The following TMC5 variants were observed in gnomAD, a reference collection of about 807,000 sequenced individuals.
TMC5 encodes transmembrane channel-like protein 5.
Under a neutral mutation model 110.5 loss-of-function variants are expected in TMC5, and 86 were observed. That is an observed-to-expected ratio of 0.78 (90% CI 0.65 to 0.93). The LOEUF (loss-of-function observed/expected upper bound fraction) is 0.93, where lower values mean the gene tolerates loss of function less well. TMC5 is among the 40% of genes least tolerant of loss of function. The probability of loss-of-function intolerance (pLI) is 0.00; values close to 1 mark genes in which losing one functional copy is unlikely to be tolerated. For missense variants in TMC5, 1,144 were observed against 1,222.8 expected, an observed-to-expected ratio of 0.94 and a Z score of 0.96; for synonymous variants, 455 against 439.5, an observed-to-expected ratio of 1.04 and a Z score of -0.44.
Position 19,423,105 on chromosome 16 carries a change from T to C in TMC5, c.-308+5013T>C, listed in dbSNP as rs114304195. Among the ~76,000 whole-genome samples, 347 of 152,300 alleles carry C rather than the reference T, an allele frequency of 2.3e-3. 1 individual carries two copies. The highest frequency in any genetic ancestry group is 8.1e-3 in the African/African-American group (338 of 41,562). Reference sequence around the variant, plus strand: ...CACCGCTGCACTTACCCCTTCTCCTTTCTCTTCCTTCTCCCATTCTTTTCT... The same window carrying C: ...CACCGCTGCACTTACCCCTTCTCCTCTCTCTTCCTTCTCCCATTCTTTTCT... On this transcript the variant is annotated intron_variant, in intron 1 of 21. Transcript: ENST00000542583.
At chr16:19,491,172 G>A (rs1968896346) in intron 18 of TMC5, among the ~76,000 whole-genome samples, 1 of 152,010 alleles carries the variant, frequency 6.6e-6, no homozygotes, top group Admixed American at 6.6e-5. Context: ...ACTACACTTG[G>A]CTAATTTTTA....
In TMC5 at chr16:19,463,302, A is replaced by G. The variant is rs1287152129; in HGVS notation, c.1171A>G (p.Ser391Gly). 2 of 1,614,066 alleles carry G rather than the reference A, an allele frequency of 1.2e-6. No homozygotes were observed. The highest frequency in any genetic ancestry group is 1.1e-5 in the South Asian group (1 of 91,082). Reference sequence around the variant, plus strand: ...CAGGAAAATAGTTGACAAAGAAAAAAGCAAACAGACCCATCGTATCCTTCA... The same window carrying G: ...CAGGAAAATAGTTGACAAAGAAAAAGGCAAACAGACCCATCGTATCCTTCA... ...NLRKIVDKEK[S>G]KQTHRILQLN... is the part of the protein sequence containing the mutation. Residue 391 changes from serine to glycine, a missense_variant, in exon 7 of 22, where the codon AGC becomes GGC. Transcript: ENST00000542583.
At chr16:19,434,264 TAA>T (rs1366552194) in intron 2 of TMC5, among the ~76,000 whole-genome samples, 1 of 122,612 alleles carries the variant, frequency 8.2e-6, no homozygotes, top group African/African-American at 3.2e-5. Flanking sequence ...TATATATCTA[TAA>T]TATATATAGA....
At position 19,481,752 on chromosome 16, in the gene TMC5, C is replaced by G. The variant is rs561510487; in HGVS notation, c.2363+287C>G. On this transcript the variant is annotated intron_variant, in intron 15 of 21. Coordinates refer to ENST00000542583, the MANE Select transcript of TMC5 (RefSeq NM_001261841.2). ...TTTTGTCCCTAAAAATATGAATTAA[C>G]CACTGCTATGGTCTCAATGTTTGGG... is the stretch of plus-strand genomic sequence containing the variant. 1.1e-4 allele frequency among the ~76,000 whole-genome samples: 16 copies of G among 152,312 alleles called. No homozygotes were observed. The South Asian group carries it at 3.3e-3, about 32-fold the overall frequency.
intron 5 of TMC5, among the ~76,000 whole-genome samples, chr16:19,456,239 A>AATAT (rs200497672): frequency 6.7e-6 from 1 of 149,322 alleles, no homozygotes; most frequent in Non-Finnish European, 1.5e-5. Flanking sequence ...ACACATTTAG[A>AATAT]ATATATATAT....
chr16:19,414,741 G>C (rs192674303), upstream of TMC5, among the ~76,000 whole-genome samples: 3 of 151,132 alleles, frequency 2.0e-5, no homozygotes, highest in African/African-American at 7.3e-5. Flanking sequence ...ACCACCCCCC[G>C]ATCTCGACAA....
intron 17 of TMC5, among the ~76,000 whole-genome samples, chr16:19,489,958 A>AT (rs1203230597): frequency 4.0e-5 from 6 of 150,248 alleles, no homozygotes; most frequent in African/African-American, 1.2e-4. Flanking sequence ...CCAGCTAATT[A>AT]TTTTTTTGTA....
At chr16:19,481,574 T>C in intron 15 of TMC5, 109 bp downstream of exon 15, 1 of 804,280 alleles carries the variant, frequency 1.2e-6, no homozygotes, top group East Asian at 2.5e-5. Flanking sequence ...GCAGGGGTGA[T>C]AACCCATCCA....
At chr16:19,490,809 CTCTT>C (rs1194259720) in intron 18 of TMC5, among the ~76,000 whole-genome samples, 2 of 135,102 alleles carry the variant, frequency 1.5e-5, no homozygotes, top group African/African-American at 5.5e-5. Context: ...CTCCCTCCCT[CTCTT>C]TCTCCCTTTC....
chr16:19,484,082 C>CAA (rs758360425), intron 15 of TMC5, among the ~76,000 whole-genome samples: 48 of 70,806 alleles, frequency 6.8e-4, no homozygotes, highest in African/African-American at 1.5e-3. Context: ...AACTCTGTCT[C>CAA]AAAAAAAAAA....
At chr16:19,442,942 C>T (rs1567304505) in intron 3 of TMC5, among the ~76,000 whole-genome samples, 1 of 152,186 alleles carries the variant, frequency 6.6e-6, no homozygotes, top group Admixed American at 6.6e-5. Context: ...CACTCCTTTG[C>T]TTTTCATCGT....
At chr16:19,414,249 T>C (rs1236489480), upstream of TMC5, among the ~76,000 whole-genome samples, 1 of 152,190 alleles carries the variant, frequency 6.6e-6, no homozygotes, top group African/African-American at 2.4e-5. Flanking sequence ...GTTCTCCCTC[T>C]TTCTCACTTC....
At chr16:19,455,491 T>C (rs1032219957) in intron 5 of TMC5, among the ~76,000 whole-genome samples, 4 of 152,096 alleles carry the variant, frequency 2.6e-5, no homozygotes, top group East Asian at 1.9e-4. Context: ...AAGTGCAAAG[T>C]TTGTACAGCA....
At chr16:19,470,243 C>G (rs572831224) in intron 10 of TMC5, among the ~76,000 whole-genome samples, 82 of 150,890 alleles carry the variant, frequency 5.4e-4, no homozygotes, top group African/African-American at 2.0e-3. Context: ...GGCTGGAGTG[C>G]AGTGGCATGA....
intron 3 of TMC5, 37 bp downstream of exon 3, chr16:19,440,863 T>G (rs1354459409): frequency 1.3e-6 from 2 of 1,571,102 alleles, no homozygotes; most frequent in Non-Finnish European, 1.7e-6. Flanking sequence ...TGGGAGTGGA[T>G]GCTGAGTGCT....
At chr16:19,489,470 G>C (rs1256781996) in intron 17 of TMC5, among the ~76,000 whole-genome samples, 1 of 152,032 alleles carries the variant, frequency 6.6e-6, no homozygotes, top group Non-Finnish European at 1.5e-5. Context: ...GAGTAGCTGG[G>C]ACTACAGGCG....
intron 5 of TMC5, chr16:19,456,536 G>A: frequency 7.1e-7 from 1 of 1,413,400 alleles, no homozygotes; most frequent in South Asian, 1.6e-5. Context: ...ATTTGTGTAG[G>A]GGTGGCTTTG....
intron 5 of TMC5, among the ~76,000 whole-genome samples, chr16:19,456,079 C>T (rs984368927): frequency 6.6e-5 from 10 of 151,658 alleles, no homozygotes; most frequent in Non-Finnish European, 1.5e-4. Flanking sequence ...TGGTGGCGGG[C>T]GCCTGTAATC....
In TMC5 at chr16:19,470,754, CTGGGCATGG is replaced by C. The variant is rs1455630411; in HGVS notation, c.1782+933_1782+941del. On this transcript the variant is annotated intron_variant, in intron 10 of 21. Transcript: ENST00000542583. The stretch of plus-strand genomic sequence containing the variant: ...AAAAAAAAAAAAAAAAAAAAAGCAG[CTGGGCATGG>C]TGGCTCATGCCTCTAATCCCAGCAA... Among the ~76,000 whole-genome samples, 7 of 130,096 alleles carry C rather than the reference CTGGGCATGG, an allele frequency of 5.4e-5. No individual in the cohort carries two copies. The South Asian group carries it at 7.8e-4, about 14-fold the overall frequency. The allele number at this position is 130,096 out of a possible 152,430, so 85.3% of individuals were successfully genotyped here. A position where few individuals can be genotyped will look rare whatever the true frequency, so the allele number is the denominator to read the frequency against.
Sources: gnomAD v4.1 joint callset for allele counts (sites outside exome capture counted in the v4.1 genomes callset) on GRCh38, gnomAD v4.1.1 for gene constraint, MANE v1.5 for transcripts, NCBI Gene and HGNC (gene_info 2026-07-23, HGNC 2026-07-21) for gene names.